BDH1: variants seen among roughly 807,000 people sequenced by gnomAD.
The protein encoded by BDH1 is D-beta-hydroxybutyrate dehydrogenase, mitochondrial.
A neutral mutation model predicts 33.1 loss-of-function variants in BDH1; 30 were observed. That is an observed-to-expected ratio of 0.91 (90% CI 0.68 to 1.23). The LOEUF (loss-of-function observed/expected upper bound fraction) is 1.23, where lower values mean the gene tolerates loss of function less well. Ranked by LOEUF, BDH1 falls within the 50% of genes most tolerant of loss-of-function variation. BDH1 has a pLI of 0.00. For missense variants in BDH1, 443 were observed against 464.4 expected (o/e 0.95, Z 0.42); for synonymous variants, 190 against 183.6 (o/e 1.03, Z -0.28).
At chr3:197,536,312 T>G (rs760920636) in intron 3 of BDH1, among the ~76,000 whole-genome samples, 1 of 152,236 alleles carries the variant, frequency 6.6e-6, no homozygotes, top group Non-Finnish European at 1.5e-5. Flanking sequence ...TTCAAAATTC[T>G]TTTAGCTATT....
intron 1 of BDH1, among the ~76,000 whole-genome samples, chr3:197,567,869 G>A (rs1717484618): frequency 6.6e-6 from 1 of 152,124 alleles, no homozygotes; most frequent in Non-Finnish European, 1.5e-5. Context: ...TTCAGGATAG[G>A]CTTTGTAGAA....
At chr3:197,562,305 G>A (rs1414841299) in intron 1 of BDH1, among the ~76,000 whole-genome samples, 1 of 152,116 alleles carries the variant, frequency 6.6e-6, no homozygotes, top group Non-Finnish European at 1.5e-5. Context: ...CTTATCTATT[G>A]CTTTTTCTCC....
upstream of BDH1, among the ~76,000 whole-genome samples, chr3:197,557,419 G>A (rs1287558708): frequency 1.3e-5 from 2 of 152,234 alleles, no homozygotes; most frequent in East Asian, 3.8e-4. The surrounding 1 kb of genome is among the most constrained non-coding windows in gnomAD (Gnocchi z 4.6). Flanking sequence ...ATGAAAACAG[G>A]AGGAGGGAAG....
upstream of BDH1, chr3:197,556,049 G>A (rs1204511718): frequency 2.0e-5 from 3 of 152,274 alleles, no homozygotes; most frequent in Admixed American, 2.0e-4. Context: ...CGCCTCCTCC[G>A]CGCTGGGTGC....
In BDH1 at chr3:197,520,115, G is replaced by A. The variant is rs1713371387; in HGVS notation, c.409+2525C>T. On this transcript the variant is annotated intron_variant, in intron 6 of 7. Transcript: ENST00000392379. The surrounding 1 kb of genome is among the most constrained non-coding windows in gnomAD (Gnocchi z 6.0). ...TTCACAGCCGGCATTGCCTGAGGGG[G>A]AATTGCCAAGGCAAGGCCAAGACAT... Among the ~76,000 whole-genome samples the A allele has an allele frequency of 6.6e-6, 1 of 152,180 alleles. No individual in the cohort carries two copies.
chr3:197,560,927 C>T (rs1325249925), upstream of BDH1, among the ~76,000 whole-genome samples: 7 of 151,792 alleles, frequency 4.6e-5, no homozygotes, highest in African/African-American at 1.7e-4. Flanking sequence ...CTCCCTGTCC[C>T]ACTTTTGCTT....
intron 1 of BDH1, among the ~76,000 whole-genome samples, chr3:197,569,733 G>A (rs1717547853): frequency 6.6e-6 from 1 of 152,140 alleles, no homozygotes; most frequent in Admixed American, 6.5e-5. Context: ...ATGATTGTGA[G>A]GCCTCCCCAG....
chr3:197,536,769 G>A (rs55765530), intron 3 of BDH1, among the ~76,000 whole-genome samples: 25 of 152,278 alleles, frequency 1.6e-4, no homozygotes, highest in African/African-American at 5.5e-4. Flanking sequence ...CTTGAACCCA[G>A]GAGGCGGAGG....
intron 5 of BDH1, among the ~76,000 whole-genome samples, chr3:197,524,411 T>C (rs1713879426): frequency 1.3e-5 from 2 of 152,136 alleles, no homozygotes; most frequent in Non-Finnish European, 2.9e-5. Flanking sequence ...GGCTGAGCCT[T>C]CTGAATGCTT....
rs1712160021 is a variant in BDH1, at chr3:197,512,352, T to C, written c.575A>G (p.Asn192Ser). Residue 192 changes from asparagine (N) to serine (S), a missense_variant, in exon 8 of 8, where the codon AAT (asparagine) becomes AGT (serine). By Grantham distance (46) the Asn-to-Ser change is conservative. Coordinates refer to ENST00000392379, the MANE Select transcript of BDH1 (RefSeq NM_203314.3). The stretch of plus-strand genomic sequence containing the variant: ...CATGCGGCCCAGCATGCTGCTGATA[T>C]TGACGACGCGGCCTACAGAGGGAGA... ...LIRRAKGRVV[N>S]ISSMLGRMAN... 9 of 1,605,550 alleles carry C rather than the reference T, an allele frequency of 5.6e-6. No homozygotes were observed. The highest frequency in any genetic ancestry group is 2.2e-5 in the East Asian group (1 of 44,838).
intron 5 of BDH1, among the ~76,000 whole-genome samples, chr3:197,531,166 T>C (rs13076273): frequency 0.43 from 65,141 of 151,866 alleles, 17,094 homozygotes; most frequent in African/African-American, 0.75. Context: ...GAGGCCAAGG[T>C]GAGTGGATCA....
chr3:197,536,856 CCAAA>C (rs1332445954), intron 3 of BDH1, among the ~76,000 whole-genome samples: 3 of 152,300 alleles, frequency 2.0e-5, no homozygotes, highest in Admixed American at 6.5e-5. Context: ...AAAAACCCAA[CCAAA>C]CAAACAAAAA....
rs58588679 is a variant in BDH1 at position 197,523,003 on chromosome 3, T to C, written c.268-222A>G. On this transcript the variant is annotated intron_variant, in intron 5 of 7. Transcript: ENST00000392379. This position sits in a 1 kb window ranked among gnomAD's most constrained non-coding sequence, Gnocchi z 4.5. ...TATGTGCCACAGACACAACCATGAA[T>C]AGGATGAAGAGCCGGCCCCCAAGGC... is the stretch of plus-strand genomic sequence containing the variant. 1.9e-6 allele frequency: 1 copy of C among 526,512 alleles called. No homozygotes were observed. The highest frequency in any genetic ancestry group is 3.3e-6 in the Non-Finnish European group (1 of 303,442). The allele number at this position is 526,512 out of a possible 1,614,324, so 32.6% of individuals were successfully genotyped here.
At chr3:197,541,340 C>T (rs1437775126) in intron 3 of BDH1, among the ~76,000 whole-genome samples, 1 of 152,218 alleles carries the variant, frequency 6.6e-6, no homozygotes, top group African/African-American at 2.4e-5. Flanking sequence ...ATCTAGTCCA[C>T]AGCAGTTGTT....
intron 3 of BDH1, among the ~76,000 whole-genome samples, chr3:197,540,283 G>C (rs1715494286): frequency 6.6e-6 from 1 of 150,616 alleles, no homozygotes; most frequent in Non-Finnish European, 1.5e-5. Flanking sequence ...CGAACTCCTG[G>C]CCTCAAGTGA....
chr3:197,573,188 G>A (rs1717666824), exon 1 of BDH1: 1 of 152,194 alleles, frequency 6.6e-6, no homozygotes, highest in Non-Finnish European at 1.5e-5. Flanking sequence ...CACCTTAGCT[G>A]GCAGGTGCCT....
At chr3:197,538,507 A>G in intron 3 of BDH1, 1 of 380,410 alleles carries the variant, frequency 2.6e-6, no homozygotes, top group Admixed American at 3.1e-5. Flanking sequence ...TTGCATCACC[A>G]CACCTGGCCA....
At chr3:197,549,068 C>T (rs1279965628) in intron 2 of BDH1, among the ~76,000 whole-genome samples, 3 of 152,144 alleles carry the variant, frequency 2.0e-5, no homozygotes, top group Admixed American at 1.3e-4. Context: ...AAACTTCACA[C>T]ACCACTTTCT....
intron 6 of BDH1, among the ~76,000 whole-genome samples, chr3:197,515,182 C>T (rs991499866): frequency 1.8e-4 from 27 of 152,224 alleles, no homozygotes; most frequent in African/African-American, 3.1e-4. Flanking sequence ...GCTTTCCTTC[C>T]GTGTTACCCA....
Sources: allele counts gnomAD v4.1 joint callset (sites outside exome capture counted in the v4.1 genomes callset), GRCh38; gene constraint gnomAD v4.1.1; non-coding constraint Gnocchi (gnomAD v3.1); transcripts MANE v1.5; gene names NCBI Gene and HGNC (gene_info 2026-07-23, HGNC 2026-07-21).